Variants in PIGN observed in about 807,000 individuals in gnomAD.
PIGN encodes the protein GPI ethanolamine phosphate transferase 1.
Under a neutral mutation model 125.4 loss-of-function variants are expected in PIGN, and 117 were observed. The ratio of observed to expected loss-of-function variants is 0.93; its 90% confidence interval spans 0.80 to 1.09. The LOEUF is 1.09. Ranked by LOEUF, PIGN falls within the 50% of genes least tolerant of loss-of-function variation. The pLI is 0.00. For synonymous variants in PIGN, 392 were observed against 377.8 expected (o/e 1.04, Z -0.44); for missense variants, 1,075 against 1,094.9 (o/e 0.98, Z 0.26).
chr18:62,063,915 C>A (rs1362290260), intron 30 of PIGN, among the ~76,000 whole-genome samples: 3 of 117,490 alleles, frequency 2.6e-5, no homozygotes, highest in African/African-American at 3.5e-5. Context: ...ACATCACACA[C>A]TGAGGCCTGT....
chr18:62,058,434 A>G (rs971565686), intron 30 of PIGN, among the ~76,000 whole-genome samples: 5 of 152,248 alleles, frequency 3.3e-5, no homozygotes, highest in Non-Finnish European at 7.3e-5. Context: ...CTATTGAAAT[A>G]GCATCAACAG....
chr18:62,122,280 T>C (rs2035337365), intron 14 of PIGN, among the ~76,000 whole-genome samples: 1 of 152,312 alleles, frequency 6.6e-6, no homozygotes, highest in East Asian at 1.9e-4. Flanking sequence ...GAATGTATCA[T>C]GTACCCCTAA....
rs2030401993 is a variant in PIGN at position 62,042,104 on chromosome 18, T to G, written c.*3752A>C. On this transcript the variant is annotated 3_prime_UTR_variant, in exon 31 of 31. Transcript: ENST00000640252. ...GGGAGGCCGAGGCGGGTGAACTGCT[T>G]GAGGTCAGGAGTTCAAGATGAGCCT... The G allele has an allele frequency of 6.6e-6, 1 of 152,128 alleles. No individual in the cohort carries two copies. The highest frequency in any genetic ancestry group is 1.5e-5 in the Non-Finnish European group (1 of 68,034). The allele number at this position is 152,128 out of a possible 1,614,324, so 9.4% of individuals were successfully genotyped here. A position where few individuals can be genotyped will look rare whatever the true frequency, so the allele number is the denominator to read the frequency against.
intron 23 of PIGN, among the ~76,000 whole-genome samples, chr18:62,021,095 C>CT (rs1196811714): frequency 6.6e-6 from 1 of 151,976 alleles, no homozygotes; most frequent in Non-Finnish European, 1.5e-5. Flanking sequence ...TTGGAAATTT[C>CT]TTTTTAAAAA....
intron 30 of PIGN, among the ~76,000 whole-genome samples, chr18:62,049,184 G>A (rs62096633): frequency 0.17 from 25,578 of 151,980 alleles, 2,845 homozygotes; most frequent in Middle Eastern, 0.28. Context: ...TGTCTTTATA[G>A]CAGCATGATT....
At chr18:62,021,934 T>C (rs2030058888) in intron 23 of PIGN, among the ~76,000 whole-genome samples, 1 of 152,200 alleles carries the variant, frequency 6.6e-6, no homozygotes, top group South Asian at 2.1e-4. Flanking sequence ...GCTACAGGAT[T>C]GAGTCCCACT....
intron 30 of PIGN, among the ~76,000 whole-genome samples, chr18:62,053,355 G>A (rs1445167585): frequency 6.6e-6 from 1 of 152,104 alleles, no homozygotes; most frequent in Admixed American, 6.5e-5. Context: ...TCTATAAAAT[G>A]TTCAAGTAAT....
chr18:62,066,773 G>A (rs1483026456), intron 30 of PIGN, among the ~76,000 whole-genome samples: 1 of 152,132 alleles, frequency 6.6e-6, no homozygotes, highest in Non-Finnish European at 1.5e-5. Context: ...CCCACATAAT[G>A]CCTTCAAAAT....
chr18:62,139,575 G>A (rs562082174), intron 12 of PIGN, among the ~76,000 whole-genome samples: 2 of 152,242 alleles, frequency 1.3e-5, no homozygotes, highest in Admixed American at 6.5e-5. Context: ...ATTTGATTTC[G>A]AAGAGCTAAT....
intron 30 of PIGN, among the ~76,000 whole-genome samples, chr18:62,054,323 C>T (rs1356652933): frequency 2.0e-5 from 3 of 149,576 alleles, no homozygotes; most frequent in African/African-American, 4.9e-5. Flanking sequence ...AGTCTTAATA[C>T]AAAAAGCACA....
intron 30 of PIGN, chr18:62,069,409 A>G (rs2032710251): frequency 6.6e-6 from 1 of 152,240 alleles, no homozygotes; most frequent in African/African-American, 2.4e-5. Context: ...AGCATTATTT[A>G]CAATAAACAA....
At chr18:62,120,108 C>G (rs2035242553) in intron 14 of PIGN, among the ~76,000 whole-genome samples, 1 of 151,986 alleles carries the variant, frequency 6.6e-6, no homozygotes, top group African/African-American at 2.4e-5. Flanking sequence ...AGAACATCTA[C>G]AAACCCCAAG....
At chr18:62,136,179 G>A (rs1306064422) in intron 14 of PIGN, 1 of 151,962 alleles carries the variant, frequency 6.6e-6, no homozygotes, top group Non-Finnish European at 1.5e-5. Flanking sequence ...TAGCATAAGA[G>A]ATGTAAATAA....
At chr18:62,131,883 T>C (rs2035752322) in intron 14 of PIGN, among the ~76,000 whole-genome samples, 1 of 152,088 alleles carries the variant, frequency 6.6e-6, no homozygotes, top group Admixed American at 6.5e-5. Flanking sequence ...TAAACTAAAA[T>C]CTAATAATGC....
rs2030418046 is a variant in PIGN at position 62,042,532 on chromosome 18, T to C, written c.*3324A>G. ...ATAAGAGACACATCTCAAAGGTTCT[T>C]TTTGTTTCTTTATAGAATGAATATT... On this transcript the variant is annotated 3_prime_UTR_variant, in exon 31 of 31. Transcript: ENST00000640252. The C allele has an allele frequency of 6.6e-6, 1 of 152,162 alleles. No individual in the cohort carries two copies. Among genetic ancestry groups the C allele is most frequent in the Non-Finnish European group, 1.5e-5 (1 of 68,028 alleles). The allele number at this position is 152,162 out of a possible 1,614,324, so 9.4% of individuals were successfully genotyped here. A position where few individuals can be genotyped will look rare whatever the true frequency, so the allele number is the denominator to read the frequency against.
chr18:62,098,860 C>T (rs2034320777), intron 22 of PIGN, among the ~76,000 whole-genome samples: 1 of 152,050 alleles, frequency 6.6e-6, no homozygotes, highest in Admixed American at 6.6e-5. Flanking sequence ...TTCTGAATCT[C>T]CTCCTCACCA....
At chr18:62,137,015 G>A in intron 14 of PIGN, 1 of 398,528 alleles carries the variant, frequency 2.5e-6, no homozygotes, top group Non-Finnish European at 4.4e-6. Flanking sequence ...GGGTATGTCT[G>A]TGACATTGTT....
chr18:62,169,888 G>T (rs2037291432), intron 1 of PIGN, among the ~76,000 whole-genome samples: 1 of 152,196 alleles, frequency 6.6e-6, no homozygotes, highest in South Asian at 2.1e-4. Flanking sequence ...CTCCCAAAGT[G>T]CTGGGATTAC....
At chr18:62,040,678 C>A (rs1163587921), downstream of PIGN, among the ~76,000 whole-genome samples, 1 of 152,174 alleles carries the variant, frequency 6.6e-6, no homozygotes, top group African/African-American at 2.4e-5. Flanking sequence ...TCAGGCAAAT[C>A]AGGATTTAAT....
Sources: allele counts gnomAD v4.1 joint callset (sites outside exome capture counted in the v4.1 genomes callset), GRCh38; gene constraint gnomAD v4.1.1; transcripts MANE v1.5; gene names NCBI Gene and HGNC (gene_info 2026-07-23, HGNC 2026-07-21).